Variants in TRAF2 observed in about 807,000 individuals in gnomAD.
TRAF2 encodes the protein TNF receptor-associated factor 2.
A neutral mutation model predicts 55.6 loss-of-function variants in TRAF2; 6 were observed. The ratio of observed to expected loss-of-function variants is 0.11; its 90% CI spans 0.06 to 0.21. The LOEUF (loss-of-function observed/expected upper bound fraction) is 0.21, where lower values mean the gene tolerates loss of function less well. Among genes scored for constraint, TRAF2 ranks in the 10% least tolerant of loss-of-function variants. The pLI, the probability that TRAF2 is intolerant of heterozygous loss-of-function variation, is 1.00. For missense variants in TRAF2, 561 were observed against 684.5 expected, an observed-to-expected ratio of 0.82 and a Z score of 2.01; for synonymous variants, 329 against 276.3, an observed-to-expected ratio of 1.19 and a Z score of -1.89.
intron 1 of TRAF2, among the ~76,000 whole-genome samples, chr9:136,894,954 C>T (rs1196222757): frequency 1.3e-5 from 2 of 152,202 alleles, no homozygotes; most frequent in African/African-American, 2.4e-5. Flanking sequence ...AGACAGCGTA[C>T]TCCAGCTAGG....
At chr9:136,909,233 A>G (rs1850038533) in intron 5 of TRAF2, among the ~76,000 whole-genome samples, 1 of 11,030 alleles carries the variant, frequency 9.1e-5, no homozygotes, top group Non-Finnish European at 1.8e-4. Flanking sequence ...CGTTGGTGAG[A>G]ATAGCGCCAT....
chr9:136,916,803 T>C (rs1243821676), intron 7 of TRAF2, 188 bp downstream of exon 7: 1 of 606,602 alleles, frequency 1.6e-6, no homozygotes, highest in African/African-American at 1.8e-5. Context: ...GTCCACTCCC[T>C]CCTGGTGGCA....
At chr9:136,889,953 C>G in intron 1 of TRAF2, among the ~76,000 whole-genome samples, 1 of 150,082 alleles carries the variant, frequency 6.7e-6, no homozygotes, top group East Asian at 2.0e-4. Context: ...GTGTGAGAGT[C>G]CCCACCGCAC....
intron 3 of TRAF2, among the ~76,000 whole-genome samples, chr9:136,900,182 AG>A (rs138289878): frequency 0.44 from 56,070 of 128,890 alleles, 12,925 homozygotes; most frequent in African/African-American, 0.63. Flanking sequence ...AAAAAAAAAA[AG>A]AATAAAGGGC....
At chr9:136,901,345 A>G (rs553521667) in intron 4 of TRAF2, among the ~76,000 whole-genome samples, 1 of 152,164 alleles carries the variant, frequency 6.6e-6, no homozygotes, top group Non-Finnish European at 1.5e-5. Flanking sequence ...ACAGAGCCCA[A>G]AGGTAGAGGC....
intron 1 of TRAF2, among the ~76,000 whole-genome samples, chr9:136,887,318 C>G (rs964666302): frequency 1.4e-4 from 22 of 152,210 alleles, no homozygotes; most frequent in Admixed American, 2.0e-4. Flanking sequence ...CAGCTGAAGG[C>G]TGGTGCTTCC....
intron 1 of TRAF2, among the ~76,000 whole-genome samples, chr9:136,898,299 A>G (rs541491740): frequency 6.6e-6 from 1 of 152,356 alleles, no homozygotes; most frequent in South Asian, 2.1e-4. Flanking sequence ...CCACCACTCT[A>G]AAACATGCTT....
At chr9:136,914,307 C>T (rs993991507) in intron 6 of TRAF2, among the ~76,000 whole-genome samples, 6 of 152,194 alleles carry the variant, frequency 3.9e-5, no homozygotes, top group Non-Finnish European at 5.9e-5. Flanking sequence ...CCTACCTGGG[C>T]GATCGCACCC....
chr9:136,924,104 C>T (rs762339142), intron 10 of TRAF2, 104 bp downstream of exon 10: 53 of 1,417,002 alleles, frequency 3.7e-5, no homozygotes, highest in South Asian at 6.5e-5. Context: ...GGCTTGGGCT[C>T]GCTGGACCAG....
chr9:136,886,455 C>A (rs574444889), upstream of TRAF2: 13 of 1,005,840 alleles, frequency 1.3e-5, no homozygotes, highest in Middle Eastern at 2.9e-4. Flanking sequence ...GTCCGTCAGG[C>A]GCACGCGGCG....
intron 6 of TRAF2, among the ~76,000 whole-genome samples, chr9:136,912,945 C>T (rs1244417691): frequency 6.6e-6 from 1 of 152,168 alleles, no homozygotes; most frequent in Non-Finnish European, 1.5e-5. Flanking sequence ...CCAGCCTGTC[C>T]AACATGGCAA....
chr9:136,906,734 G>T (rs1849962159), intron 4 of TRAF2, among the ~76,000 whole-genome samples: 1 of 152,190 alleles, frequency 6.6e-6, no homozygotes. Flanking sequence ...CTGTGGCTTG[G>T]GCCAGAGGCC....
rs1178787036 is a variant in TRAF2, at chr9:136,886,547, GCGAGCGCGGGGT to G, written c.-29+9_-29+20del. On this transcript the variant is annotated splice_region_variant and intron_variant, in intron 1 of 10. Coordinates refer to ENST00000247668, the MANE Select transcript of TRAF2 (RefSeq NM_021138.4). ...GGGCGCGCTGCGACCGTTGGGTGAG[GCGAGCGCGGGGT>G]CGGGTGCGGGGTCGGGCGCGGGCGC... 5.2e-4 allele frequency: 515 copies of G among 987,374 alleles called. 2 individuals are homozygous for G. In the African/African-American group the frequency reaches 8.6e-3, roughly 16 times the overall value. The allele number at this position is 987,374 out of a possible 1,614,324, so 61.2% of individuals were successfully genotyped here. A position where few individuals can be genotyped will look rare whatever the true frequency, so the allele number is the denominator to read the frequency against.
chr9:136,925,997 G>C lies in TRAF2; in HGVS notation c.*96G>C. 1 of 1,474,252 alleles carries C rather than the reference G, an allele frequency of 6.8e-7. No homozygotes were observed. The highest frequency in any genetic ancestry group is 9.4e-7 in the Non-Finnish European group (1 of 1,064,614). 91.3% of individuals were successfully genotyped at this position (1,474,252 alleles called of 1,614,324 possible). A position where few individuals can be genotyped will look rare whatever the true frequency, so the allele number is the denominator to read the frequency against. On this transcript the variant is annotated 3_prime_UTR_variant, in exon 11 of 11. Coordinates refer to ENST00000247668, the MANE Select transcript of TRAF2 (RefSeq NM_021138.4). Reference sequence around the variant, plus strand: ...GGGCCAGGGTCTCACTGTACAAGTGGGCAGGGGCCGCGCTTGGGCGCTTGG... The same window carrying C: ...GGGCCAGGGTCTCACTGTACAAGTGCGCAGGGGCCGCGCTTGGGCGCTTGG...
At chr9:136,904,063 ACAGGCCTACATGCTGCCCCG>A (rs1849888228) in intron 4 of TRAF2, among the ~76,000 whole-genome samples, 1 of 152,178 alleles carries the variant, frequency 6.6e-6, no homozygotes, top group South Asian at 2.1e-4. Context: ...CCGCTGCCCC[ACAGGCCTACATGCTGCCCCG>A]CAGCACCTGC....
chr9:136,910,154 C>A, intron 6 of TRAF2, 160 bp downstream of exon 6: 1 of 766,392 alleles, frequency 1.3e-6, no homozygotes, highest in Non-Finnish European at 2.2e-6. Flanking sequence ...TTCAGGGTGG[C>A]GGCCGCTCTC....
intron 1 of TRAF2, among the ~76,000 whole-genome samples, chr9:136,893,946 C>T (rs1213033705): frequency 1.3e-5 from 2 of 151,718 alleles, no homozygotes; most frequent in Non-Finnish European, 2.9e-5. Flanking sequence ...GATGGGGTTT[C>T]ACCATGTTGG....
chr9:136,911,342 G>A (rs1242871915), intron 6 of TRAF2, among the ~76,000 whole-genome samples: 1 of 145,708 alleles, frequency 6.9e-6, no homozygotes, highest in African/African-American at 2.6e-5. Context: ...TCGGCTCACT[G>A]CAACCTCTGC....
intron 4 of TRAF2, among the ~76,000 whole-genome samples, chr9:136,907,433 C>T (rs1356543716): frequency 6.6e-6 from 1 of 152,244 alleles, no homozygotes; most frequent in Non-Finnish European, 1.5e-5. Flanking sequence ...GTCACTGGCC[C>T]TCGCCTGTCT....
Sources: gnomAD v4.1 joint callset for allele counts (sites outside exome capture counted in the v4.1 genomes callset) on GRCh38, gnomAD v4.1.1 for gene constraint, MANE v1.5 for transcripts, NCBI Gene and HGNC (gene_info 2026-07-23, HGNC 2026-07-21) for gene names.